Variants in DIS3L observed in about 807,000 individuals in gnomAD.
DIS3L encodes DIS3-like exonuclease 1.
In DIS3L, 100 loss-of-function variants were observed where a neutral mutation model predicts 120.3. The ratio of observed to expected loss-of-function variants is 0.83; its 90% CI spans 0.71 to 0.98. DIS3L has a LOEUF of 0.98. Ranked by LOEUF, DIS3L falls within the 50% of genes least tolerant of loss-of-function variation. DIS3L has a pLI of 0.00. For synonymous variants in DIS3L, 426 were observed against 470.6 expected (o/e 0.91, Z 1.23); for missense variants, 1,196 against 1,314.2 (o/e 0.91, Z 1.39).
At chr15:66,330,450 C>G (rs1185389943) in intron 14 of DIS3L, 1 of 985,270 alleles carries the variant, frequency 1.0e-6, no homozygotes, top group Non-Finnish European at 1.2e-6. Flanking sequence ...CAGCATAGAA[C>G]TAGACTATTG....
intron 7 of DIS3L, among the ~76,000 whole-genome samples, chr15:66,317,051 C>A (rs149879565): frequency 1.2e-4 from 19 of 152,274 alleles, no homozygotes; most frequent in Admixed American, 8.5e-4. Flanking sequence ...AATATCCTCA[C>A]ATCTGTTTTC....
chr15:66,315,239 C>T (rs772420310), intron 7 of DIS3L, 24 bp downstream of exon 7: 8 of 1,557,628 alleles, frequency 5.1e-6, no homozygotes, highest in East Asian at 2.3e-5. Flanking sequence ...AGAGCCACTC[C>T]GATGTCCATT....
intron 2 of DIS3L, among the ~76,000 whole-genome samples, chr15:66,302,536 A>C (rs538639883): frequency 6.6e-6 from 1 of 152,312 alleles, no homozygotes; most frequent in African/African-American, 2.4e-5. Flanking sequence ...AGGGCTGTGC[A>C]TTCATTTGTT....
Position 66,315,226 on chromosome 15 carries a change from T to A in DIS3L, c.994+11T>A. ...AGCCCATGCCTACAGGTGAGCCAGC[T>A]GCAGAGCCACTCCGATGTCCATTTT... On this transcript the variant is annotated intron_variant, in intron 7 of 16. Transcript: ENST00000319212. 6.3e-7 allele frequency: 1 copy of A among 1,594,182 alleles called. No individual in the cohort carries two copies.
chr15:66,324,950 G>C (rs2092920887), intron 11 of DIS3L, among the ~76,000 whole-genome samples: 1 of 151,904 alleles, frequency 6.6e-6, no homozygotes, highest in Non-Finnish European at 1.5e-5. Flanking sequence ...GTGGCAAAGA[G>C]TTTTTTTACT....
intron 8 of DIS3L, among the ~76,000 whole-genome samples, chr15:66,320,311 A>G (rs1205351633): frequency 6.6e-6 from 1 of 152,116 alleles, no homozygotes; most frequent in Non-Finnish European, 1.5e-5. Context: ...TCTTCAGCAG[A>G]CTAAAATTTC....
Position 66,318,570 on chromosome 15 carries a change from C to G in DIS3L, c.1116C>G (p.Tyr372Ter), listed in dbSNP as rs751969457. The change falls in exon 8 of 17, where the codon TAC (tyrosine) becomes TAG (stop). Residue 372 changes from tyrosine to a stop codon, truncating the protein, a stop_gained. Coordinates refer to ENST00000319212, the MANE Select transcript of DIS3L (RefSeq NM_001143688.3). LOFTEE classifies it high-confidence loss of function. ...AQKILVTPWD[Y>*]RIPKIRISTQ... Reference sequence around the variant, plus strand: ...AAATCCTGGTTACACCTTGGGATTACAGAATTCCCAAAATTCGAATTAGCA... The same window carrying G: ...AAATCCTGGTTACACCTTGGGATTAGAGAATTCCCAAAATTCGAATTAGCA... The G allele has an allele frequency of 6.2e-7, 1 of 1,614,036 alleles. No individual in the cohort carries two copies. Among genetic ancestry groups the G allele is most frequent in the South Asian group, 1.1e-5 (1 of 91,070 alleles).
chr15:66,328,953 T>C lies in DIS3L; in HGVS notation c.2202-17T>C. ...TACTGTCTGGGACTAGCTAACGGTT[T>C]TTCTGTTCTTTGTCAGGTCCAATAA... On this transcript the variant is annotated splice_polypyrimidine_tract_variant and intron_variant, in intron 12 of 16. Transcript: ENST00000319212. 1.2e-6 allele frequency: 2 copies of C among 1,608,356 alleles called. No individual in the cohort carries two copies. The highest frequency in any genetic ancestry group is 1.7e-6 in the Non-Finnish European group (2 of 1,178,308).
intron 4 of DIS3L, among the ~76,000 whole-genome samples, chr15:66,309,796 A>G (rs974995037): frequency 4.6e-5 from 7 of 152,246 alleles, no homozygotes; most frequent in East Asian, 1.9e-4. Context: ...TTTTTTTCCA[A>G]CTGTTCTTCA....
In DIS3L at chr15:66,315,061, C is replaced by T. The variant is rs767664381; in HGVS notation, c.840C>T (p.His280=). 118 of 1,613,780 alleles carry T rather than the reference C, an allele frequency of 7.3e-5. No individual in the cohort carries two copies. Among genetic ancestry groups the T allele is most frequent in the Non-Finnish European group, 8.6e-5 (102 of 1,179,930 alleles). ...DSDLVSDILI[H]GMKARNRSIH... is the part of the protein sequence containing the mutation. The stretch of plus-strand genomic sequence containing the variant: ...ATTTAGTCAGTGACATCCTAATCCA[C>T]GGGATGAAGGCTCGAAACCGCTCAA... Residue 280 remains histidine, a synonymous_variant, in exon 7 of 17, where the codon CAC becomes CAT. Transcript: ENST00000319212.
At position 66,308,740 on chromosome 15, in the gene DIS3L, C is replaced by A. The variant is rs768191336; in HGVS notation, c.454C>A (p.His152Asn). 6.2e-7 allele frequency: 1 copy of A among 1,613,248 alleles called. No homozygotes were observed. The highest frequency in any genetic ancestry group is 8.5e-7 in the Non-Finnish European group (1 of 1,179,428). ...SIYNAAVWYY[H>N]HCQDRMPIVM... is the part of the protein sequence containing the mutation. ...ATACAACGCAGCTGTTTGGTACTATCATCACTGCCAGGACAGGATGCCAAT... is the reference window on the plus strand; with the variant it reads ...ATACAACGCAGCTGTTTGGTACTATAATCACTGCCAGGACAGGATGCCAAT... The change falls in exon 4 of 17, where the codon CAT (histidine) becomes AAT (asparagine). Residue 152 changes from histidine to asparagine, a missense_variant. By Grantham distance (68) the His-to-Asn change is moderately conservative. Transcript: ENST00000319212.
Position 66,295,126 on chromosome 15 carries a change from A to C in DIS3L, c.278A>C (p.His93Pro), listed in dbSNP as rs1321949968. Residue 93 changes from histidine (H) to proline (P), a missense_variant, in exon 2 of 17, where the codon CAT (histidine) becomes CCT (proline). Coordinates refer to ENST00000319212, the MANE Select transcript of DIS3L (RefSeq NM_001143688.3). ...FMQTACQAVQ[H>P]QRGRRQYNKL... ...CAGACAGCTTGTCAAGCTGTGCAGCATCAAAGAGGCAGGAGGTATACGTTT... is the reference window on the plus strand; with the variant it reads ...CAGACAGCTTGTCAAGCTGTGCAGCCTCAAAGAGGCAGGAGGTATACGTTT... 6.2e-7 allele frequency: 1 copy of C among 1,613,892 alleles called. No individual in the cohort carries two copies. The highest frequency in any genetic ancestry group is 1.7e-5 in the Admixed American group (1 of 59,990).
chr15:66,318,530 G>A lies in DIS3L; in HGVS notation c.1076G>A (p.Gly359Asp). Residue 359 changes from glycine (G) to aspartate (D), a missense_variant, in exon 8 of 17, where the codon GGC becomes GAC. Transcript: ENST00000319212. ...TCCAAAGAAGAGGTCCAATCTCAGG[G>A]CAAAAATGCTCAGAAAATCCTGGTT... ...FPSKEEVQSQ[G>D]KNAQKILVTP... 1 of 1,613,910 alleles carries A rather than the reference G, an allele frequency of 6.2e-7. No homozygotes were observed. The highest frequency in any genetic ancestry group is 8.5e-7 in the Non-Finnish European group (1 of 1,179,994).
At position 66,318,457 on chromosome 15, in the gene DIS3L, G is replaced by C; in HGVS notation, c.1003G>C (p.Val335Leu). Residue 335 changes from valine (V) to leucine (L), a missense_variant, in exon 8 of 17, where the codon GTG (valine) becomes CTG (leucine). Transcript: ENST00000319212. ...GTTTTGTTTTGCCAAAGGTCGAGTGGTGGGCATACTTCAGAAGAACTGGCG... is the reference window on the plus strand; with the variant it reads ...GTTTTGTTTTGCCAAAGGTCGAGTGCTGGGCATACTTCAGAAGAACTGGCG... ...PSEPMPTGRV[V>L]GILQKNWRDY... 1 of 1,613,840 alleles carries C rather than the reference G, an allele frequency of 6.2e-7. No homozygotes were observed. Among genetic ancestry groups the C allele is most frequent in the Middle Eastern group, 1.7e-4 (1 of 6,056 alleles).
chr15:66,302,256 T>A (rs1298813719), intron 2 of DIS3L, among the ~76,000 whole-genome samples: 1 of 152,180 alleles, frequency 6.6e-6, no homozygotes, highest in Non-Finnish European at 1.5e-5. Context: ...TAGTCCTAGC[T>A]GCTTGTGAGG....
intron 3 of DIS3L, 103 bp downstream of exon 3, chr15:66,307,055 A>C: frequency 1.4e-6 from 2 of 1,444,110 alleles, no homozygotes; most frequent in South Asian, 2.6e-5. Context: ...GAACAAACCA[A>C]CAATTATTCT....
chr15:66,330,532 CT>C (rs1340269457), intron 14 of DIS3L: 19 of 985,200 alleles, frequency 1.9e-5, no homozygotes, highest in Non-Finnish European at 2.2e-5. Flanking sequence ...TAGTTGTCTG[CT>C]GTGCAATGTT....
rs77132935 is a variant in DIS3L, at chr15:66,333,057, A to C, written c.2910A>C (p.Glu970Asp). ...SRCHSDTIRL[E>D]IISNKPYKIP... ...GCCATTCTGATACAATCAGACTTGA[A>C]ATAATTAGTAACAAACCATACAAGA... The change falls in exon 17 of 17, where the codon GAA becomes GAC. Residue 970 changes from glutamate (E) to aspartate (D), a missense_variant. Physicochemically the swap from Glu to Asp is conservative, Grantham distance 45 (BLOSUM62 2). Coordinates refer to ENST00000319212, the MANE Select transcript of DIS3L (RefSeq NM_001143688.3). 4.2e-4 allele frequency: 678 copies of C among 1,613,434 alleles called. 3 individuals carry two copies. The African/African-American group carries it at 8.5e-3, about 20-fold the overall frequency.
intron 2 of DIS3L, among the ~76,000 whole-genome samples, chr15:66,304,310 G>A (rs1452103023): frequency 2.6e-5 from 4 of 151,252 alleles, no homozygotes; most frequent in Admixed American, 6.6e-5. Context: ...AAAATTAGCC[G>A]AGCATAGTGG....
Sources: allele counts gnomAD v4.1 joint callset (sites outside exome capture counted in the v4.1 genomes callset), GRCh38; gene constraint gnomAD v4.1.1; transcripts MANE v1.5; gene names NCBI Gene and HGNC (gene_info 2026-07-23, HGNC 2026-07-21).